The following DPYD variants were observed in gnomAD, a reference collection of about 807,000 sequenced individuals.
DPYD encodes dihydropyrimidine dehydrogenase.
In DPYD, 109 loss-of-function variants were observed where a neutral mutation model predicts 116.2. That is an observed-to-expected ratio of 0.94 (90% CI 0.80 to 1.10). The LOEUF is 1.10. DPYD is among the 50% of genes least tolerant of loss of function. The probability of loss-of-function intolerance (pLI) is 0.00; values close to 1 mark genes in which losing one functional copy is unlikely to be tolerated. For missense variants in DPYD, 1,302 were observed against 1,254.5 expected, an observed-to-expected ratio of 1.04 and a Z score of -0.57; for synonymous variants, 440 against 432.0, an observed-to-expected ratio of 1.02 and a Z score of -0.23.
At chr1:97,455,147 G>A (rs1676611746) in intron 13 of DPYD, among the ~76,000 whole-genome samples, 2 of 151,814 alleles carry the variant, frequency 1.3e-5, no homozygotes, top group Admixed American at 6.6e-5. Context: ...GGAGAAATTG[G>A]AAATGGTAGA....
chr1:97,369,239 G>T (rs1671191265), intron 16 of DPYD, among the ~76,000 whole-genome samples: 1 of 152,100 alleles, frequency 6.6e-6, no homozygotes, highest in African/African-American at 2.4e-5. Context: ...TATATAAATT[G>T]CATGTAGACA....
rs771573678 is a variant in DPYD, at chr1:97,740,426, T to A, written c.287A>T (p.Asp96Val). The A allele has an allele frequency of 1.1e-5, 17 of 1,613,228 alleles. 1 individual carries two copies. In the South Asian group the frequency reaches 1.5e-4, roughly 15 times the overall value. The change falls in exon 4 of 23, where the codon GAT becomes GTT. Residue 96 changes from aspartate to valine, a missense_variant. By Grantham distance (152) the Asp-to-Val change is radical (BLOSUM62 -3). Transcript: ENST00000370192. The stretch of plus-strand genomic sequence containing the variant: ...AATACTTGTGATGAATGATTTAATA[T>A]CAAGATTAGTTGGACAGCTCTTCTG... The part of the protein sequence containing the change: ...PCQKSCPTNL[D>V]IKSFITSIAN...
chr1:97,362,829 A>G (rs1670811477), intron 16 of DPYD, among the ~76,000 whole-genome samples: 1 of 152,242 alleles, frequency 6.6e-6, no homozygotes, highest in African/African-American at 2.4e-5. Context: ...CTCACATGTT[A>G]GACCTAAAAC....
At chr1:97,505,261 T>A in intron 13 of DPYD, among the ~76,000 whole-genome samples, 1 of 152,078 alleles carries the variant, frequency 6.6e-6, no homozygotes, top group African/African-American at 2.4e-5. Context: ...TAACAACAGG[T>A]TCCCTGTTTA....
At chr1:97,702,255 T>C (rs1224092899) in intron 5 of DPYD, among the ~76,000 whole-genome samples, 4 of 151,318 alleles carry the variant, frequency 2.6e-5, no homozygotes, top group African/African-American at 9.7e-5. Flanking sequence ...AATTAAAATA[T>C]AGTTAAAATA....
intron 8 of DPYD, among the ~76,000 whole-genome samples, chr1:97,636,040 C>T (rs1571101569): frequency 6.6e-6 from 1 of 151,948 alleles, no homozygotes; most frequent in Admixed American, 6.6e-5. Context: ...AGGCTGGTCT[C>T]GAACTCCTGG....
At chr1:97,224,764 A>G (rs78345436) in intron 19 of DPYD, among the ~76,000 whole-genome samples, 1 of 150,288 alleles carries the variant, frequency 6.7e-6, no homozygotes, top group Non-Finnish European at 1.5e-5. Flanking sequence ...ATCATACAAC[A>G]TTTTCCTTTC....
chr1:97,813,327 A>G (rs1004382883), intron 3 of DPYD, among the ~76,000 whole-genome samples: 4 of 152,196 alleles, frequency 2.6e-5, no homozygotes, highest in African/African-American at 9.6e-5. Flanking sequence ...AAATGTCTCA[A>G]GCAATATTCC....
intron 15 of DPYD, among the ~76,000 whole-genome samples, chr1:97,379,721 A>T (rs1181063378): frequency 6.6e-6 from 1 of 152,196 alleles, no homozygotes; most frequent in Non-Finnish European, 1.5e-5. Context: ...AGCTGCCCTG[A>T]AGGGGCAGGA....
intron 8 of DPYD, among the ~76,000 whole-genome samples, chr1:97,603,733 G>A (rs967556480): frequency 5.3e-5 from 8 of 152,066 alleles, no homozygotes; most frequent in Admixed American, 2.6e-4. Context: ...CTTAAACACA[G>A]GCACTGATAA....
At chr1:97,402,187 C>G (rs961970138) in intron 14 of DPYD, among the ~76,000 whole-genome samples, 1 of 152,088 alleles carries the variant, frequency 6.6e-6, no homozygotes, top group African/African-American at 2.4e-5. Context: ...ACTGTGATTA[C>G]ATTGCATCTA....
At chr1:97,716,229 G>A (rs929032490) in intron 5 of DPYD, among the ~76,000 whole-genome samples, 8 of 151,852 alleles carry the variant, frequency 5.3e-5, no homozygotes, top group Non-Finnish European at 1.2e-4. Context: ...AGAAATAAAT[G>A]TTTACAGTCC....
chr1:97,732,735 G>A (rs1242053685), intron 4 of DPYD, among the ~76,000 whole-genome samples: 2 of 151,954 alleles, frequency 1.3e-5, no homozygotes, highest in African/African-American at 4.8e-5. Context: ...TTAAAGTCTG[G>A]ATTCTGGAAA....
chr1:97,288,737 G>A (rs11165836), intron 18 of DPYD, among the ~76,000 whole-genome samples: 79,337 of 137,752 alleles, frequency 0.58, 23,316 homozygotes, highest in East Asian at 0.69. Context: ...GAAAGCAGGA[G>A]AGATCCAAAA....
chr1:97,145,012 G>T (rs910400232), intron 20 of DPYD, among the ~76,000 whole-genome samples: 5 of 152,164 alleles, frequency 3.3e-5, no homozygotes, highest in African/African-American at 9.7e-5. Context: ...TGGTGGTGGT[G>T]CTGGGGCAAG....
intron 14 of DPYD, among the ~76,000 whole-genome samples, chr1:97,431,752 T>A (rs1222673545): frequency 6.6e-6 from 1 of 152,142 alleles, no homozygotes; most frequent in Non-Finnish European, 1.5e-5. Flanking sequence ...TGCAATTAAT[T>A]ATTGTTAACT....
chr1:97,828,265 C>CA (rs1410632653), intron 2 of DPYD, 69 bp from the exon 3 acceptor site: 18 of 1,421,962 alleles, frequency 1.3e-5, no homozygotes, highest in African/African-American at 2.8e-5. Context: ...TGCAGTTATG[C>CA]AAAAATGTAA....
chr1:97,582,312 T>C (rs938043667), intron 10 of DPYD, among the ~76,000 whole-genome samples: 1 of 152,204 alleles, frequency 6.6e-6, no homozygotes, highest in African/African-American at 2.4e-5. Flanking sequence ...ACTTCTTGTT[T>C]ACCTGAGTTT....
intron 12 of DPYD, among the ~76,000 whole-genome samples, chr1:97,534,937 T>C (rs1488080966): frequency 6.6e-6 from 1 of 152,108 alleles, no homozygotes; most frequent in Non-Finnish European, 1.5e-5. Flanking sequence ...GCCCCTTCCA[T>C]GAATGAAAAT....
Sources: allele counts gnomAD v4.1 joint callset (sites outside exome capture counted in the v4.1 genomes callset), GRCh38; gene constraint gnomAD v4.1.1; transcripts MANE v1.5; gene names NCBI Gene and HGNC (gene_info 2026-07-23, HGNC 2026-07-21).